PRDM10: variants seen among roughly 807,000 people sequenced by gnomAD.
The protein encoded by PRDM10 is PR/SET domain 10.
Under a neutral mutation model 133.1 loss-of-function variants are expected in PRDM10, and 65 were observed. That is an observed-to-expected ratio of 0.49 (90% CI 0.40 to 0.60). The LOEUF (loss-of-function observed/expected upper bound fraction) is 0.60. Ranked by LOEUF, PRDM10 falls within the 20% of genes least tolerant of loss-of-function variation. The probability of loss-of-function intolerance (pLI) is 0.00; values close to 1 mark genes in which losing one functional copy is unlikely to be tolerated. For synonymous variants in PRDM10, 582 were observed against 580.4 expected (o/e 1.00, Z -0.04); for missense variants, 1,137 against 1,507.1 (o/e 0.75, Z 4.07).
At chr11:129,916,813 T>C (rs1343795850) in intron 15 of PRDM10, among the ~76,000 whole-genome samples, 2 of 152,146 alleles carry the variant, frequency 1.3e-5, no homozygotes, top group African/African-American at 4.8e-5. Context: ...TGATAAATGC[T>C]CTCATTTTAG....
rs185190477 is a variant in PRDM10, at chr11:129,988,830, C to T, written c.-119+13892G>A. ...ATTTTTAACAGAGACGGGGTTTCAC[C>T]GTGTTAGCCAGGATGGTCTCGATCT... On this transcript the variant is annotated intron_variant, in intron 1 of 20. Transcript: ENST00000360871. Among the ~76,000 whole-genome samples, 216 of 152,006 alleles carry T rather than the reference C, an allele frequency of 1.4e-3. 1 individual carries two copies. Among genetic ancestry groups the T allele is most frequent in the African/African-American group, 3.8e-3 (159 of 41,452 alleles).
At chr11:129,917,516 T>C (rs1950394773) in intron 14 of PRDM10, among the ~76,000 whole-genome samples, 1 of 152,230 alleles carries the variant, frequency 6.6e-6, no homozygotes, top group Non-Finnish European at 1.5e-5. Flanking sequence ...AAAGAACTAC[T>C]ATTGGAAAAA....
intron 17 of PRDM10, chr11:129,914,462 G>A: frequency 1.7e-6 from 1 of 591,042 alleles, no homozygotes; most frequent in South Asian, 1.9e-5. Context: ...TCCTGCCACA[G>A]CACAGGAGGC....
intron 7 of PRDM10, among the ~76,000 whole-genome samples, chr11:129,938,244 T>TC (rs1951096423): frequency 6.6e-6 from 1 of 152,078 alleles, no homozygotes; most frequent in South Asian, 2.1e-4. Flanking sequence ...TGCTAATGAA[T>TC]CCCAAATTAA....
At chr11:129,986,776 A>T (rs2135983383) in intron 1 of PRDM10, among the ~76,000 whole-genome samples, 1 of 152,232 alleles carries the variant, frequency 6.6e-6, no homozygotes, top group South Asian at 2.1e-4. Flanking sequence ...CAGGTGAGGG[A>T]AGTTACTTTT....
intron 2 of PRDM10, 57 bp downstream of exon 2, chr11:129,960,839 C>T: frequency 2.5e-6 from 4 of 1,576,578 alleles, no homozygotes; most frequent in Non-Finnish European, 3.5e-6. Flanking sequence ...TTGCTGTCAG[C>T]AAACTGAGTC....
In PRDM10 at chr11:129,910,531, A is replaced by ATTC. The variant is rs1319245027; in HGVS notation, c.3105_3107dup (p.Gln1035_Asn1036insLys). The stretch of plus-strand genomic sequence containing the variant: ...GCAGGTACGTGTGCTGCACAGAGGA[A>ATTC]TTCTGCTGCTGCTGCTGCTGCTGCT... On this transcript the variant is annotated inframe_insertion, in exon 19 of 21. Coordinates refer to ENST00000360871, the MANE Select transcript of PRDM10 (RefSeq NM_199437.2). 6 of 1,613,992 alleles carry ATTC rather than the reference A, an allele frequency of 3.7e-6. No individual in the cohort carries two copies.
chr11:129,956,766 G>C (rs1425886857), intron 3 of PRDM10, among the ~76,000 whole-genome samples: 2 of 152,142 alleles, frequency 1.3e-5, no homozygotes, highest in East Asian at 3.8e-4. Flanking sequence ...AATTAGGCGG[G>C]CCTCATTTCT....
intron 1 of PRDM10, among the ~76,000 whole-genome samples, chr11:129,977,302 T>G (rs905661977): frequency 8.8e-6 from 1 of 113,746 alleles, no homozygotes; most frequent in Non-Finnish European, 1.9e-5. Flanking sequence ...ACACACACAT[T>G]GAGATGCAGT....
At chr11:129,935,439 CA>C (rs1950998792) in intron 8 of PRDM10, among the ~76,000 whole-genome samples, 1 of 152,124 alleles carries the variant, frequency 6.6e-6, no homozygotes, top group African/African-American at 2.4e-5. Context: ...TACAAGACAT[CA>C]AAGGAACAAG....
At chr11:129,944,584 C>CAA (rs36041173) in intron 6 of PRDM10, among the ~76,000 whole-genome samples, 187 bp downstream of exon 6, 39 of 109,306 alleles carry the variant, frequency 3.6e-4, no homozygotes, top group East Asian at 3.5e-3. Context: ...GACTCCGTCT[C>CAA]AAAAAAAAAA....
intron 14 of PRDM10, 46 bp from the exon 15 acceptor site, chr11:129,917,283 C>G: frequency 2.1e-6 from 3 of 1,431,338 alleles, no homozygotes; most frequent in Non-Finnish European, 2.9e-6. Flanking sequence ...ACCCCATTAA[C>G]CAAACAGAAG....
intron 17 of PRDM10, among the ~76,000 whole-genome samples, chr11:129,914,063 G>A (rs1950275688): frequency 6.6e-6 from 1 of 152,032 alleles, no homozygotes; most frequent in Admixed American, 6.5e-5. Flanking sequence ...GTGCAATGGT[G>A]TGATCTCAGC....
At position 129,918,476 on chromosome 11, in the gene PRDM10, C is replaced by T; in HGVS notation, c.2214+63G>A. On this transcript the variant is annotated intron_variant, in intron 14 of 20. Transcript: ENST00000360871. This position sits in a 1 kb window ranked among gnomAD's most constrained non-coding sequence, Gnocchi z 5.3. ...GGACACAATGCAACACAAACGTCAC[C>T]ATCATCGACAGCAATGAGGTATGCT... 1.3e-6 allele frequency: 2 copies of T among 1,538,522 alleles called. No individual in the cohort carries two copies. The highest frequency in any genetic ancestry group is 3.9e-5 in the Admixed American group (2 of 51,090).
intron 1 of PRDM10, among the ~76,000 whole-genome samples, chr11:129,969,366 A>T (rs1951969165): frequency 6.6e-6 from 1 of 152,198 alleles, no homozygotes. Context: ...TTTGTATTAG[A>T]GTCGTCTTTG....
intron 1 of PRDM10, among the ~76,000 whole-genome samples, chr11:129,972,588 G>A (rs1262357102): frequency 6.6e-6 from 1 of 152,174 alleles, no homozygotes; most frequent in Non-Finnish European, 1.5e-5. Context: ...CAAGTTCACA[G>A]CAAGCAAAAG....
At chr11:129,927,985 G>A (rs1216698439) in intron 11 of PRDM10, among the ~76,000 whole-genome samples, 1 of 152,146 alleles carries the variant, frequency 6.6e-6, no homozygotes, top group Non-Finnish European at 1.5e-5. Flanking sequence ...AGCTACTCTA[G>A]GGATACCAAA....
rs981864889 is a variant in PRDM10, at chr11:129,916,567, G to A, written c.2325+560C>T. ...GCAGGAGAATCGCTTGAACCCAGGCGGAAGTTGCAGTGAGCTGAGATCATG... is the reference window on the plus strand; with the variant it reads ...GCAGGAGAATCGCTTGAACCCAGGCAGAAGTTGCAGTGAGCTGAGATCATG... On this transcript the variant is annotated intron_variant, in intron 15 of 20. Coordinates refer to ENST00000360871, the MANE Select transcript of PRDM10 (RefSeq NM_199437.2). 9.8e-5 allele frequency among the ~76,000 whole-genome samples: 15 copies of A among 152,308 alleles called. No individual in the cohort carries two copies. In the East Asian group the frequency reaches 2.3e-3, roughly 23 times the overall value.
chr11:129,931,692 G>C (rs965987680), intron 10 of PRDM10, among the ~76,000 whole-genome samples: 3 of 151,484 alleles, frequency 2.0e-5, no homozygotes, highest in Admixed American at 2.0e-4. Context: ...TCCGCCTCCC[G>C]AGTAGCTGGG....
Sources: allele counts gnomAD v4.1 joint callset (sites outside exome capture counted in the v4.1 genomes callset), GRCh38; gene constraint gnomAD v4.1.1; non-coding constraint Gnocchi (gnomAD v3.1); transcripts MANE v1.5; gene names NCBI Gene and HGNC (gene_info 2026-07-23, HGNC 2026-07-21).